TNFRSF8: variants seen among roughly 807,000 people sequenced by gnomAD.
The protein encoded by TNFRSF8 is tumor necrosis factor receptor superfamily member 8.
In TNFRSF8, 26 loss-of-function variants were observed where a neutral mutation model predicts 70.8. The ratio of observed to expected loss-of-function variants is 0.37; its 90% CI spans 0.27 to 0.51. The LOEUF (loss-of-function observed/expected upper bound fraction) is 0.51, where lower values mean the gene tolerates loss of function less well. Ranked by LOEUF, TNFRSF8 falls within the 20% of genes least tolerant of loss-of-function variation. The pLI, the probability that TNFRSF8 is intolerant of heterozygous loss-of-function variation, is 0.94. For missense variants in TNFRSF8, 720 were observed against 807.9 expected, an observed-to-expected ratio of 0.89 and a Z score of 1.32; for synonymous variants, 356 against 339.2, an observed-to-expected ratio of 1.05 and a Z score of -0.54.
At position 12,104,639 on chromosome 1, in the gene TNFRSF8, T is replaced by C. The variant is rs148155664; in HGVS notation, c.421+108T>C. 7.0e-5 allele frequency: 95 copies of C among 1,351,580 alleles called. 1 individual carries two copies. The highest frequency in any genetic ancestry group is 6.2e-6 in the Non-Finnish European group (6 of 974,092). 83.7% of individuals were successfully genotyped at this position (1,351,580 alleles called of 1,614,324 possible). A position where few individuals can be genotyped will look rare whatever the true frequency, so the allele number is the denominator to read the frequency against. On this transcript the variant is annotated intron_variant, in intron 4 of 14. Coordinates refer to ENST00000263932, the MANE Select transcript of TNFRSF8 (RefSeq NM_001243.5). ...TTCCGACCTCCCGCTTCCCGGAGAC[T>C]GTTGGACAGATCATGTCTCCTTTGG... is the stretch of plus-strand genomic sequence containing the variant.
Position 12,104,488 on chromosome 1 carries a change from C to A in TNFRSF8, c.378C>A (p.Phe126Leu). The A allele has an allele frequency of 6.2e-7, 1 of 1,614,234 alleles. No homozygotes were observed. The change falls in exon 4 of 15, where the codon TTC becomes TTA. Residue 126 changes from phenylalanine (F) to leucine (L), a missense_variant. Coordinates refer to ENST00000263932, the MANE Select transcript of TNFRSF8 (RefSeq NM_001243.5). The stretch of plus-strand genomic sequence containing the variant: ...CCGTCAACTCCTGTGCCCGCTGCTT[C>A]TTCCATTCTGTCTGTCCGGCAGGGA... ...TSAVNSCARC[F>L]FHSVCPAGMI...
At chr1:12,129,386 C>T (rs1051475764) in intron 12 of TNFRSF8, among the ~76,000 whole-genome samples, 4 of 152,130 alleles carry the variant, frequency 2.6e-5, no homozygotes, top group Admixed American at 1.3e-4. Flanking sequence ...TGGTAAGGAT[C>T]GTCAGAATTG....
intron 2 of TNFRSF8, among the ~76,000 whole-genome samples, chr1:12,084,876 T>C (rs996098282): frequency 3.3e-5 from 5 of 152,172 alleles, no homozygotes; most frequent in African/African-American, 1.2e-4. Flanking sequence ...CATTAAGTGC[T>C]TGCAATGATC....
In TNFRSF8 at chr1:12,142,413, C is replaced by T; in HGVS notation, c.1670C>T (p.Thr557Ile). The change falls in exon 15 of 15, where the codon ACC (threonine) becomes ATC (isoleucine). Residue 557 changes from threonine (T) to isoleucine (I), a missense_variant. By Grantham distance (89) the Thr-to-Ile change is moderately conservative (BLOSUM62 -1). Transcript: ENST00000263932. The surrounding 1 kb of genome is among the most constrained non-coding windows in gnomAD (Gnocchi z 5.0). Reference protein sequence around the residue: ...ELEEELEADHTPHYPEQETEP... With the variant: ...ELEEELEADHIPHYPEQETEP... The stretch of plus-strand genomic sequence containing the variant: ...GAGGAGGAGCTGGAGGCGGACCATA[C>T]CCCCCACTACCCCGAGCAGGAGACA... 1.9e-6 allele frequency: 3 copies of T among 1,612,512 alleles called. No homozygotes were observed. The highest frequency in any genetic ancestry group is 2.5e-6 in the Non-Finnish European group (3 of 1,179,410).
intron 12 of TNFRSF8, among the ~76,000 whole-genome samples, chr1:12,126,882 G>C (rs1221454396): frequency 2.0e-5 from 3 of 152,210 alleles, no homozygotes; most frequent in African/African-American, 7.2e-5. Context: ...TGCAATCGGT[G>C]GCTGCTGCCT....
chr1:12,131,477 AC>A (rs1284492123), intron 12 of TNFRSF8, among the ~76,000 whole-genome samples: 8 of 148,924 alleles, frequency 5.4e-5, no homozygotes, highest in Non-Finnish European at 8.9e-5. Context: ...AAACAAAAAA[AC>A]ATTCTAAGTG....
rs1157702934 is a variant in TNFRSF8, at chr1:12,108,538, G to A, written c.422-1028G>A. Among the ~76,000 whole-genome samples, 1 of 152,112 alleles carries A rather than the reference G, an allele frequency of 6.6e-6. No homozygotes were observed. Among genetic ancestry groups the A allele is most frequent in the African/African-American group, 2.4e-5 (1 of 41,412 alleles). ...AGTGTATGATTATAGTCATTTGACT[G>A]GGCTGGGCACGGCAGCTTATGCCTG... is the stretch of plus-strand genomic sequence containing the variant. On this transcript the variant is annotated intron_variant, in intron 4 of 14. Coordinates refer to ENST00000263932, the MANE Select transcript of TNFRSF8 (RefSeq NM_001243.5). The surrounding 1 kb of genome is among the most constrained non-coding windows in gnomAD (Gnocchi z 4.0).
chr1:12,103,352 C>G (rs1164125124), intron 3 of TNFRSF8, among the ~76,000 whole-genome samples: 1 of 148,694 alleles, frequency 6.7e-6, no homozygotes, highest in Non-Finnish European at 1.5e-5. Flanking sequence ...GAGACTCTGT[C>G]TTAAAAAAAA....
In TNFRSF8 at chr1:12,110,368, G is replaced by A. The variant is rs3818804; in HGVS notation, c.676+164G>A. On this transcript the variant is annotated intron_variant, in intron 6 of 14. Coordinates refer to ENST00000263932, the MANE Select transcript of TNFRSF8 (RefSeq NM_001243.5). This position sits in a 1 kb window ranked among gnomAD's most constrained non-coding sequence, Gnocchi z 4.0. ...GATCTAGGGCTGAAAGCATTGAGGG[G>A]CAGAGGTAGACACCAGAGGGCTCAT... Among the ~76,000 whole-genome samples the A allele has an allele frequency of 0.018, 2,718 of 152,270 alleles. 90 individuals carry two copies. The highest frequency in any genetic ancestry group is 0.062 in the African/African-American group (2,571 of 41,546).
chr1:12,101,846 A>G (rs995581175), intron 3 of TNFRSF8, among the ~76,000 whole-genome samples: 5 of 151,504 alleles, frequency 3.3e-5, no homozygotes, highest in Non-Finnish European at 5.9e-5. Context: ...TAATTTTTGT[A>G]TTTTTTTTAG....
At position 12,143,170 on chromosome 1, in the gene TNFRSF8, A is replaced by T. The variant is rs1244844702; in HGVS notation, c.*639A>T. 1 of 152,112 alleles carries T rather than the reference A, an allele frequency of 6.6e-6. No individual in the cohort carries two copies. The highest frequency in any genetic ancestry group is 2.4e-5 in the African/African-American group (1 of 41,242). 9.4% of individuals were successfully genotyped at this position (152,112 alleles called of 1,614,324 possible). ...TGAGGGCCCCTGCCTGGACTGTGGG[A>T]CCCTCCTGGTGCTGCCCACCTTCCC... is the stretch of plus-strand genomic sequence containing the variant. On this transcript the variant is annotated 3_prime_UTR_variant, in exon 15 of 15. Coordinates refer to ENST00000263932, the MANE Select transcript of TNFRSF8 (RefSeq NM_001243.5). The surrounding 1 kb of genome is among the most constrained non-coding windows in gnomAD (Gnocchi z 4.1).
intron 3 of TNFRSF8, among the ~76,000 whole-genome samples, chr1:12,103,075 T>G (rs916093017): frequency 6.6e-6 from 1 of 152,056 alleles, no homozygotes; most frequent in Non-Finnish European, 1.5e-5. Flanking sequence ...ATTAATAAAC[T>G]ATTTCTGGCT....
intron 1 of TNFRSF8, among the ~76,000 whole-genome samples, chr1:12,071,080 T>A (rs943054472): frequency 6.6e-6 from 1 of 152,230 alleles, no homozygotes; most frequent in Non-Finnish European, 1.5e-5. Flanking sequence ...TATATGCTAG[T>A]TTTCTTTTGC....
At chr1:12,136,676 T>G (rs969690733) in intron 13 of TNFRSF8, among the ~76,000 whole-genome samples, 8 of 151,388 alleles carry the variant, frequency 5.3e-5, no homozygotes, top group Non-Finnish European at 1.2e-4. Context: ...AAGGCAGTCT[T>G]TTAGCCTTCA....
intron 1 of TNFRSF8, among the ~76,000 whole-genome samples, chr1:12,071,080 T>C (rs943054472): frequency 1.3e-5 from 2 of 152,230 alleles, no homozygotes; most frequent in African/African-American, 4.8e-5. Flanking sequence ...TATATGCTAG[T>C]TTTCTTTTGC....
At chr1:12,065,061 G>A (rs1640713286) in intron 1 of TNFRSF8, among the ~76,000 whole-genome samples, 1 of 144,988 alleles carries the variant, frequency 6.9e-6, no homozygotes, top group South Asian at 2.2e-4. Flanking sequence ...ACTACAGCCT[G>A]AACTCTCATA....
At chr1:12,111,802 TG>T in intron 6 of TNFRSF8, 95 bp from the exon 7 acceptor site, 1 of 967,792 alleles carries the variant, frequency 1.0e-6, no homozygotes, top group Non-Finnish European at 1.7e-6. Flanking sequence ...GTTTGGGAGC[TG>T]GCCACGGTGA....
intron 6 of TNFRSF8, among the ~76,000 whole-genome samples, chr1:12,111,462 G>A (rs145846710): frequency 2.0e-4 from 30 of 152,226 alleles, no homozygotes; most frequent in Middle Eastern, 6.8e-3. Flanking sequence ...GATTACAGAC[G>A]TGAGCCACCG....
At chr1:12,084,907 A>C (rs970724822) in intron 2 of TNFRSF8, among the ~76,000 whole-genome samples, 1 of 152,180 alleles carries the variant, frequency 6.6e-6, no homozygotes, top group Admixed American at 6.5e-5. Context: ...CTCAATTTGC[A>C]GATGAGGCTA....
Sources: gnomAD v4.1 joint callset for allele counts (sites outside exome capture counted in the v4.1 genomes callset) on GRCh38, gnomAD v4.1.1 for gene constraint, Gnocchi (gnomAD v3.1) non-coding constraint, MANE v1.5 for transcripts, NCBI Gene and HGNC (gene_info 2026-07-23, HGNC 2026-07-21) for gene names.